The following CCDC126 variants were observed in gnomAD, a reference collection of about 807,000 sequenced individuals.
CCDC126 encodes the protein coiled-coil domain-containing protein 126.
A neutral mutation model predicts 11.7 loss-of-function variants in CCDC126; 5 were observed. That is an observed-to-expected ratio of 0.43 (90% CI 0.22 to 0.90). The LOEUF is 0.90. Ranked by LOEUF, CCDC126 falls within the 40% of genes least tolerant of loss-of-function variation. CCDC126 has a pLI of 0.27. For synonymous variants in CCDC126, 60 were observed against 61.9 expected (o/e 0.97, Z 0.14); for missense variants, 150 against 163.1 (o/e 0.92, Z 0.44).
At chr7:23,617,348 CAAAAAAAAAAAAAAAAA>C (rs35391703) in intron 3 of CCDC126, among the ~76,000 whole-genome samples, 4 of 36,238 alleles carry the variant, frequency 1.1e-4, no homozygotes, top group Non-Finnish European at 2.0e-4. Context: ...ATGCTGTCTC[CAAAAAAAAAAAAAAAAA>C]AAAAAAAAAG....
intron 2 of CCDC126, among the ~76,000 whole-genome samples, chr7:23,600,624 CT>C (rs1782524237): frequency 6.6e-6 from 1 of 152,110 alleles, no homozygotes; most frequent in Non-Finnish European, 1.5e-5. Flanking sequence ...CTTCTAGTAC[CT>C]TTGGCTGAGT....
chr7:23,612,474 C>CAAAAAAAAAA (rs70954395), intron 3 of CCDC126, among the ~76,000 whole-genome samples: 7 of 56,204 alleles, frequency 1.2e-4, no homozygotes, highest in Non-Finnish European at 1.3e-4. Flanking sequence ...GACTCCATCT[C>CAAAAAAAAAA]AAAAAAAAAA....
intron 3 of CCDC126, among the ~76,000 whole-genome samples, chr7:23,626,399 T>C (rs1442178503): frequency 6.6e-6 from 1 of 152,216 alleles, no homozygotes; most frequent in Admixed American, 6.5e-5. Flanking sequence ...ACAAATAAGC[T>C]AGTCAATCAA....
intron 3 of CCDC126, among the ~76,000 whole-genome samples, chr7:23,641,549 CT>C (rs1225636351): frequency 3.3e-5 from 5 of 152,152 alleles, no homozygotes; most frequent in Non-Finnish European, 7.3e-5. Context: ...GTTGCTTGTG[CT>C]TTTCTGATAG....
chr7:23,623,289 T>C (rs1782955415), intron 3 of CCDC126, among the ~76,000 whole-genome samples: 1 of 152,048 alleles, frequency 6.6e-6, no homozygotes, highest in South Asian at 2.1e-4. Flanking sequence ...TGTTTTGGAA[T>C]TGATATTTTG....
intron 3 of CCDC126, among the ~76,000 whole-genome samples, chr7:23,623,818 A>T (rs1782968605): frequency 6.6e-6 from 1 of 152,238 alleles, no homozygotes; most frequent in African/African-American, 2.4e-5. Context: ...TCCACAATTT[A>T]TGACATCACT....
intron 3 of CCDC126, among the ~76,000 whole-genome samples, chr7:23,625,426 G>A (rs1018157943): frequency 3.9e-5 from 6 of 152,080 alleles, no homozygotes; most frequent in African/African-American, 1.2e-4. Flanking sequence ...CCACTTTCCC[G>A]TCAGTGGGAA....
chr7:23,643,274 A>G lies in CCDC126; in HGVS notation c.*159A>G. The stretch of plus-strand genomic sequence containing the variant: ...GATTCATGGAACTCTAATTCTGTAC[A>G]TAAAAATTTTAAAGTTATTTGTTTG... On this transcript the variant is annotated 3_prime_UTR_variant, in exon 4 of 4. Transcript: ENST00000307471. The G allele has an allele frequency of 4.7e-6, 3 of 636,446 alleles. No homozygotes were observed. The highest frequency in any genetic ancestry group is 7.6e-6 in the Non-Finnish European group (3 of 393,132). 39.4% of individuals were successfully genotyped at this position (636,446 alleles called of 1,614,324 possible). A position where few individuals can be genotyped will look rare whatever the true frequency, so the allele number is the denominator to read the frequency against.
intron 3 of CCDC126, among the ~76,000 whole-genome samples, chr7:23,622,994 A>G (rs1159383077): frequency 1.0e-4 from 8 of 78,762 alleles, no homozygotes; most frequent in African/African-American, 2.1e-4. Context: ...TTTTTTTGAG[A>G]TGAAGTTTTG....
At chr7:23,638,745 A>C (rs1562500171) in intron 3 of CCDC126, among the ~76,000 whole-genome samples, 1 of 137,068 alleles carries the variant, frequency 7.3e-6, no homozygotes, top group Non-Finnish European at 1.6e-5. Context: ...AAAAAAAAAA[A>C]ACCAAAAAGA....
chr7:23,643,400 T>C lies in CCDC126; in HGVS notation c.*285T>C, dbSNP rs1783400710. 1 of 273,760 alleles carries C rather than the reference T, an allele frequency of 3.7e-6. No individual in the cohort carries two copies. The highest frequency in any genetic ancestry group is 5.2e-5 in the Admixed American group (1 of 19,126). 17.0% of individuals were successfully genotyped at this position (273,760 alleles called of 1,614,324 possible). On this transcript the variant is annotated 3_prime_UTR_variant, in exon 4 of 4. Transcript: ENST00000307471. ...ATAGGTGAGTTTTGTATAAATCTTTTGTGTTTGAGATCAAGCTGAAATGAA... is the reference window on the plus strand; with the variant it reads ...ATAGGTGAGTTTTGTATAAATCTTTCGTGTTTGAGATCAAGCTGAAATGAA...
chr7:23,624,701 A>G (rs1409813952), intron 3 of CCDC126, among the ~76,000 whole-genome samples: 4 of 152,190 alleles, frequency 2.6e-5, no homozygotes, highest in Non-Finnish European at 4.4e-5. Flanking sequence ...ATATTCCAAC[A>G]CATTGCTTTA....
chr7:23,642,330 G>GTAAA (rs1201101953), intron 3 of CCDC126, among the ~76,000 whole-genome samples: 1 of 152,082 alleles, frequency 6.6e-6, no homozygotes, highest in Non-Finnish European at 1.5e-5. Context: ...GAAACTCAAG[G>GTAAA]TAAATGAGTT....
intron 2 of CCDC126, chr7:23,601,920 A>G (rs981254152): frequency 3.3e-5 from 5 of 152,070 alleles, no homozygotes; most frequent in Non-Finnish European, 7.3e-5. Flanking sequence ...TTCTGGCTTC[A>G]AGAAGTCCTC....
intron 2 of CCDC126, chr7:23,602,342 CT>C (rs1490981829): frequency 6.6e-6 from 1 of 152,132 alleles, no homozygotes; most frequent in Non-Finnish European, 1.5e-5. Context: ...CTACCTAGAC[CT>C]TATTTCGTAT....
chr7:23,598,583 G>A (rs1240977685), intron 2 of CCDC126: 1 of 152,210 alleles, frequency 6.6e-6, no homozygotes, highest in African/African-American at 2.4e-5. Context: ...GAGGCGCTAA[G>A]TGTTTGTTTC....
intron 3 of CCDC126, among the ~76,000 whole-genome samples, chr7:23,621,302 G>C (rs1782893342): frequency 6.6e-6 from 1 of 152,072 alleles, no homozygotes; most frequent in African/African-American, 2.4e-5. Flanking sequence ...CACATCCCTT[G>C]TAAGTTGGAT....
intron 3 of CCDC126, chr7:23,622,825 A>T (rs958224710): frequency 2.3e-6 from 1 of 429,966 alleles, no homozygotes; most frequent in African/African-American, 2.0e-5. Context: ...CCTCCATTCT[A>T]AATCTTACAA....
At chr7:23,620,217 A>C (rs1012980160) in intron 3 of CCDC126, among the ~76,000 whole-genome samples, 2 of 152,048 alleles carry the variant, frequency 1.3e-5, no homozygotes, top group African/African-American at 2.4e-5. Context: ...AAGTGTTCCT[A>C]TTTCTCCACA....
Sources: gnomAD v4.1 joint callset for allele counts (sites outside exome capture counted in the v4.1 genomes callset) on GRCh38, gnomAD v4.1.1 for gene constraint, MANE v1.5 for transcripts, NCBI Gene and HGNC (gene_info 2026-07-23, HGNC 2026-07-21) for gene names.